Variants in PPEF2 observed in about 807,000 individuals in gnomAD.
The protein encoded by PPEF2 is protein phosphatase with EF-hand domain 2, also known as serine/threonine-protein phosphatase with EF-hands 2.
PPEF2 carries 84 observed loss-of-function variants against 84.7 expected under a neutral mutation model. The ratio of observed to expected loss-of-function variants is 0.99; its 90% confidence interval spans 0.83 to 1.19. PPEF2 has a LOEUF of 1.19. Ranked by LOEUF, PPEF2 falls within the 50% of genes most tolerant of loss-of-function variation. The pLI, the probability that PPEF2 is intolerant of heterozygous loss-of-function variation, is 0.00. For synonymous variants in PPEF2, 346 were observed against 345.2 expected, an observed-to-expected ratio of 1.00 and a Z score of -0.03; for missense variants, 924 against 937.5, an observed-to-expected ratio of 0.99 and a Z score of 0.19.
intron 1 of PPEF2, among the ~76,000 whole-genome samples, chr4:75,900,606 T>G: frequency 6.6e-6 from 1 of 152,156 alleles, no homozygotes; most frequent in East Asian, 1.9e-4. Flanking sequence ...GTAACGTCAT[T>G]ACAGGGTTGT....
intron 2 of PPEF2, among the ~76,000 whole-genome samples, chr4:75,892,302 T>C: frequency 6.6e-6 from 1 of 152,124 alleles, no homozygotes; most frequent in East Asian, 1.9e-4. Context: ...GAGAAGGAGA[T>C]GTAAACTCAT....
rs1451493589 is a variant in PPEF2, at chr4:75,873,254, A to G, written c.1379T>C (p.Ile460Thr). 7 of 1,614,056 alleles carry G rather than the reference A, an allele frequency of 4.3e-6. No homozygotes were observed. Among genetic ancestry groups the G allele is most frequent in the Non-Finnish European group, 5.9e-6 (7 of 1,180,030 alleles). Residue 460 changes from isoleucine (I) to threonine (T), a missense_variant, in exon 12 of 17, where the codon ATT becomes ACT. Coordinates refer to ENST00000286719, the MANE Select transcript of PPEF2 (RefSeq NM_006239.3). ...MAQEGCKANT[I>T]RGGGCYFGPD... ...CCCAAAATAACAGCCTCCTCCTCGA[A>G]TAGTGTTGGCCTTGCAGCCCTCTTG... is the stretch of plus-strand genomic sequence containing the variant.
intron 6 of PPEF2, among the ~76,000 whole-genome samples, chr4:75,887,641 C>CTT (rs929412298): frequency 2.3e-5 from 3 of 131,878 alleles, no homozygotes; most frequent in African/African-American, 5.6e-5. Flanking sequence ...AAAAAAAAAA[C>CTT]TTTATGAACA....
intron 2 of PPEF2, among the ~76,000 whole-genome samples, chr4:75,895,958 T>C (rs904854392): frequency 1.3e-5 from 2 of 152,150 alleles, no homozygotes; most frequent in African/African-American, 4.8e-5. Flanking sequence ...CCTTTGGACG[T>C]GCTCTACCCT....
chr4:75,891,878 T>C lies in PPEF2; in HGVS notation c.156A>G (p.Glu52=), dbSNP rs376372860. 1.9e-6 allele frequency: 3 copies of C among 1,613,884 alleles called. No individual in the cohort carries two copies. Among genetic ancestry groups the C allele is most frequent in the Middle Eastern group, 1.6e-4 (1 of 6,082 alleles). Residue 52 remains glutamate (E), a synonymous_variant, in exon 3 of 17, where the codon GAA becomes GAG. Transcript: ENST00000286719. ...RCTWSIFQSI[E]YAGQQDQVKL... is the part of the protein sequence containing the mutation. Reference sequence around the variant, plus strand: ...TGACTTGGTCTTGCTGCCCAGCATATTCTATAGACTGGAAGATGCTCCAGG... The same window carrying C: ...TGACTTGGTCTTGCTGCCCAGCATACTCTATAGACTGGAAGATGCTCCAGG...
At chr4:75,874,106 TCAAA>T (rs1311529919) in intron 11 of PPEF2, among the ~76,000 whole-genome samples, 40 of 116,830 alleles carry the variant, frequency 3.4e-4, no homozygotes, top group African/African-American at 8.6e-4. Flanking sequence ...AGACTCCACC[TCAAA>T]CAAACAAACA....
At chr4:75,888,700 C>T (rs1010249933) in intron 5 of PPEF2, among the ~76,000 whole-genome samples, 4 of 152,178 alleles carry the variant, frequency 2.6e-5, no homozygotes, top group Non-Finnish European at 4.4e-5. Context: ...CAGCTCAGCT[C>T]CTCCTGCAAT....
intron 7 of PPEF2, among the ~76,000 whole-genome samples, chr4:75,886,240 T>C (rs1724719383): frequency 6.6e-6 from 1 of 152,170 alleles, no homozygotes; most frequent in Non-Finnish European, 1.5e-5. Flanking sequence ...AGGGCCTCAG[T>C]TGGCCTCGGA....
At chr4:75,875,543 A>C (rs1017908135) in intron 11 of PPEF2, among the ~76,000 whole-genome samples, 2 of 152,108 alleles carry the variant, frequency 1.3e-5, no homozygotes, top group African/African-American at 2.4e-5. Context: ...TGGGAAGTAC[A>C]GGCTGCAGTG....
intron 13 of PPEF2, among the ~76,000 whole-genome samples, chr4:75,870,531 G>T (rs1489961109): frequency 6.6e-6 from 1 of 152,116 alleles, no homozygotes; most frequent in Non-Finnish European, 1.5e-5. Context: ...ACTCTGTTAG[G>T]CTGAATACTT....
chr4:75,901,595 T>G (rs13131819), intron 1 of PPEF2, among the ~76,000 whole-genome samples: 33,196 of 151,614 alleles, frequency 0.22, 4,045 homozygotes, highest in Non-Finnish European at 0.28. Flanking sequence ...ATGTGAAAAC[T>G]TCATAAGGTC....
At chr4:75,882,313 G>T (rs1578009391) in intron 10 of PPEF2, among the ~76,000 whole-genome samples, 1 of 152,094 alleles carries the variant, frequency 6.6e-6, no homozygotes, top group African/African-American at 2.4e-5. Flanking sequence ...GGATGTAGTA[G>T]TAGGCACTAA....
intron 2 of PPEF2, among the ~76,000 whole-genome samples, chr4:75,895,025 G>A (rs928650860): frequency 5.3e-5 from 8 of 152,254 alleles, no homozygotes; most frequent in Non-Finnish European, 1.0e-4. Flanking sequence ...CATGATCATA[G>A]CTCACTGTAG....
intron 2 of PPEF2, among the ~76,000 whole-genome samples, chr4:75,893,794 T>TAC (rs1724946485): frequency 6.6e-6 from 1 of 152,058 alleles, no homozygotes; most frequent in Admixed American, 6.6e-5. Flanking sequence ...TGATGAGACA[T>TAC]ACGTATTACA....
At chr4:75,873,542 A>T (rs1034488976) in intron 11 of PPEF2, among the ~76,000 whole-genome samples, 1 of 152,264 alleles carries the variant, frequency 6.6e-6, no homozygotes, top group African/African-American at 2.4e-5. Flanking sequence ...CGACAAGCAT[A>T]TACCCACTTT....
chr4:75,864,510 C>A lies in PPEF2; in HGVS notation c.1938G>T (p.Leu646Phe), dbSNP rs1388474928. The change falls in exon 16 of 17, where the codon TTG (leucine) becomes TTT (phenylalanine). Residue 646 changes from leucine to phenylalanine, a missense_variant. Physicochemically the swap from Leu to Phe is conservative, Grantham distance 22 (BLOSUM62 0). Coordinates refer to ENST00000286719, the MANE Select transcript of PPEF2 (RefSeq NM_006239.3). ...ATCGGTTTCGATACAATGTTTCCAG[C>A]AAACTTGATTGTATGTTCTGCAAGA... ...QLSRENIQSS[L>F]LETLYRNRSN... 2.5e-6 allele frequency: 4 copies of A among 1,612,530 alleles called. No individual in the cohort carries two copies. The highest frequency in any genetic ancestry group is 1.1e-5 in the South Asian group (1 of 91,056).
chr4:75,901,662 A>G (rs1398412910), intron 1 of PPEF2, among the ~76,000 whole-genome samples: 2 of 152,358 alleles, frequency 1.3e-5, no homozygotes, highest in East Asian at 3.9e-4. Flanking sequence ...ACCTTTGGTA[A>G]TCACCAGCTG....
intron 10 of PPEF2, among the ~76,000 whole-genome samples, chr4:75,877,318 CAA>C (rs1203324453): frequency 1.4e-5 from 2 of 142,968 alleles, no homozygotes; most frequent in Non-Finnish European, 3.0e-5. Flanking sequence ...GCCTGGGCAA[CAA>C]GAGTGAAACT....
chr4:75,891,757 C>T, intron 3 of PPEF2, 52 bp from the exon 4 acceptor site: 2 of 1,597,780 alleles, frequency 1.3e-6, no homozygotes, highest in Non-Finnish European at 1.7e-6. Flanking sequence ...AAAAGAGAAC[C>T]CACAAGTAGT....
Sources: gnomAD v4.1 joint callset for allele counts (sites outside exome capture counted in the v4.1 genomes callset) on GRCh38, gnomAD v4.1.1 for gene constraint, MANE v1.5 for transcripts, NCBI Gene and HGNC (gene_info 2026-07-23, HGNC 2026-07-21) for gene names.